Variants in CDC42BPA observed in about 807,000 individuals in gnomAD.
The protein encoded by CDC42BPA is CDC42 binding protein kinase alpha, also known as serine/threonine-protein kinase MRCK alpha.
CDC42BPA carries 80 observed loss-of-function variants against 223.5 expected under a neutral mutation model. That is an observed-to-expected ratio of 0.36 (90% CI 0.30 to 0.43). The LOEUF (loss-of-function observed/expected upper bound fraction) is 0.43. CDC42BPA is among the 20% of genes least tolerant of loss of function. The probability of loss-of-function intolerance (pLI) is 1.00; values close to 1 mark genes in which losing one functional copy is unlikely to be tolerated. For missense variants in CDC42BPA, 1,743 were observed against 2,099.9 expected (o/e 0.83, Z 3.32); for synonymous variants, 694 against 718.6 (o/e 0.97, Z 0.55).
chr1:227,294,261 G>C (rs1361059409), intron 1 of CDC42BPA, among the ~76,000 whole-genome samples: 3 of 149,462 alleles, frequency 2.0e-5, no homozygotes, highest in African/African-American at 7.4e-5. Flanking sequence ...GACTGAGCTA[G>C]ACTTCATCTC....
At chr1:227,065,964 A>C (rs1312269168) in intron 21 of CDC42BPA, among the ~76,000 whole-genome samples, 1 of 152,208 alleles carries the variant, frequency 6.6e-6, no homozygotes, top group Non-Finnish European at 1.5e-5. Flanking sequence ...ACGAGACAGA[A>C]AACAAAAAAG....
In CDC42BPA at chr1:227,044,758, T is replaced by G. The variant is rs566626228; in HGVS notation, c.3093+3169A>C. On this transcript the variant is annotated intron_variant, in intron 23 of 36. Coordinates refer to ENST00000366766, the MANE Select transcript of CDC42BPA (RefSeq NM_001394014.1). ...TGTTATAGTAGTTTTAGCTTAAAAT[T>G]TATATGTAATGTCTAAGTTATTATG... Among the ~76,000 whole-genome samples the G allele has an allele frequency of 5.3e-5, 8 of 152,314 alleles. 1 individual carries two copies. The South Asian group carries it at 1.7e-3, about 32-fold the overall frequency.
chr1:227,110,883 CT>C (rs1686796685), intron 14 of CDC42BPA, among the ~76,000 whole-genome samples: 1 of 152,306 alleles, frequency 6.6e-6, no homozygotes, highest in Admixed American at 6.5e-5. Flanking sequence ...CTTGCAACCA[CT>C]GAAATTCAAT....
At chr1:227,222,163 A>C (rs924280148) in intron 2 of CDC42BPA, among the ~76,000 whole-genome samples, 1 of 151,294 alleles carries the variant, frequency 6.6e-6, no homozygotes, top group Non-Finnish European at 1.5e-5. Context: ...GACTGCAGTG[A>C]GCTGTGATTG....
chr1:227,200,372 A>G (rs908216893), intron 3 of CDC42BPA, among the ~76,000 whole-genome samples: 8 of 150,656 alleles, frequency 5.3e-5, no homozygotes, highest in African/African-American at 1.9e-4. Context: ...CACAGGTTGC[A>G]GTGGGCCAAG....
intron 2 of CDC42BPA, among the ~76,000 whole-genome samples, chr1:227,219,000 GAACA>G (rs1043381099): frequency 6.6e-6 from 1 of 152,088 alleles, no homozygotes; most frequent in African/African-American, 2.4e-5. Flanking sequence ...CAACCAATCA[GAACA>G]AACACTGGCT....
intron 2 of CDC42BPA, among the ~76,000 whole-genome samples, chr1:227,241,647 A>G (rs576990105): frequency 1.3e-5 from 2 of 152,296 alleles, no homozygotes; most frequent in African/African-American, 4.8e-5. Context: ...TAAAACTCAG[A>G]ACAGCGGTTG....
chr1:227,243,391 G>A (rs1461523494), intron 2 of CDC42BPA, among the ~76,000 whole-genome samples: 1 of 135,322 alleles, frequency 7.4e-6, no homozygotes, highest in Non-Finnish European at 1.6e-5. Flanking sequence ...ACACATAGGG[G>A]CCCAACTTAA....
At chr1:227,068,684 G>A in intron 21 of CDC42BPA, 1 of 1,207,028 alleles carries the variant, frequency 8.3e-7, no homozygotes, top group Admixed American at 3.0e-5. Context: ...GTGAAGATGA[G>A]GAAGAAGAAA....
chr1:227,008,060 T>C (rs1664443468), intron 34 of CDC42BPA, among the ~76,000 whole-genome samples: 1 of 152,206 alleles, frequency 6.6e-6, no homozygotes, highest in Non-Finnish European at 1.5e-5. Flanking sequence ...AGTTCTTTAG[T>C]CATCTTATAA....
intron 32 of CDC42BPA, among the ~76,000 whole-genome samples, chr1:227,021,444 T>C (rs1309019352): frequency 6.6e-6 from 1 of 152,172 alleles, no homozygotes; most frequent in African/African-American, 2.4e-5. Context: ...AACCTGAATA[T>C]ACTTTCTTAA....
chr1:227,196,259 A>G (rs1326238725), intron 4 of CDC42BPA, among the ~76,000 whole-genome samples: 1 of 151,996 alleles, frequency 6.6e-6, no homozygotes, highest in Non-Finnish European at 1.5e-5. Flanking sequence ...TGCTGCCATA[A>G]CAAAGAGATT....
intron 15 of CDC42BPA, among the ~76,000 whole-genome samples, chr1:227,096,962 G>A (rs1684116417): frequency 6.6e-6 from 1 of 152,036 alleles, no homozygotes; most frequent in Non-Finnish European, 1.5e-5. Flanking sequence ...TCAACACACA[G>A]ACAAGTTCCC....
chr1:226,994,222 C>T lies in CDC42BPA; in HGVS notation c.*46G>A, dbSNP rs3795451. 0.43 allele frequency: 657,717 copies of T among 1,535,628 alleles called. 146,606 individuals are homozygous for T. Among genetic ancestry groups the T allele is most frequent in the Non-Finnish European group, 0.47 (531,730 of 1,135,966 alleles). On this transcript the variant is annotated 3_prime_UTR_variant, in exon 37 of 37. Transcript: ENST00000366766. The surrounding 1 kb of genome is among the most constrained non-coding windows in gnomAD (Gnocchi z 4.0). Reference sequence around the variant, plus strand: ...GGGAAGAGATGAAAGTGAGAGGAGGCGAGTGGCAGGGAGCGGAGAGCGAGA... The same window carrying T: ...GGGAAGAGATGAAAGTGAGAGGAGGTGAGTGGCAGGGAGCGGAGAGCGAGA...
intron 31 of CDC42BPA, among the ~76,000 whole-genome samples, chr1:227,025,128 A>G (rs997337394): frequency 6.6e-6 from 1 of 152,202 alleles, no homozygotes; most frequent in Non-Finnish European, 1.5e-5. Context: ...CTGTAGTCCC[A>G]GCTACTCTGG....
intron 16 of CDC42BPA, 78 bp downstream of exon 16, chr1:227,091,808 A>G (rs1276299677): frequency 2.8e-6 from 2 of 704,604 alleles, no homozygotes; most frequent in East Asian, 2.8e-5. Flanking sequence ...TGTCAAATAT[A>G]AAGTTATACC....
intron 29 of CDC42BPA, 58 bp downstream of exon 29, chr1:227,030,350 G>T: frequency 1.0e-6 from 1 of 993,074 alleles, no homozygotes; most frequent in Non-Finnish European, 1.5e-6. Context: ...AGAATCTACA[G>T]TTTAAATTTT....
intron 1 of CDC42BPA, among the ~76,000 whole-genome samples, chr1:227,283,234 A>C (rs1688282740): frequency 6.6e-6 from 1 of 152,136 alleles, no homozygotes; most frequent in Non-Finnish European, 1.5e-5. Flanking sequence ...CTTTTTGTAC[A>C]TATTTTTGTA....
intron 16 of CDC42BPA, among the ~76,000 whole-genome samples, chr1:227,084,105 G>C (rs1681309241): frequency 6.6e-6 from 1 of 152,142 alleles, no homozygotes; most frequent in African/African-American, 2.4e-5. Flanking sequence ...TCTTACAGAT[G>C]AATACTGTAA....
Sources: gnomAD v4.1 joint callset for allele counts (sites outside exome capture counted in the v4.1 genomes callset) on GRCh38, gnomAD v4.1.1 for gene constraint, Gnocchi (gnomAD v3.1) non-coding constraint, MANE v1.5 for transcripts, NCBI Gene and HGNC (gene_info 2026-07-23, HGNC 2026-07-21) for gene names.